NR5A2: variants seen among roughly 807,000 people sequenced by gnomAD.
The protein encoded by NR5A2 is nuclear receptor subfamily 5 group A member 2, also known as CYP7A promoter-binding factor.
Under a neutral mutation model 62.7 loss-of-function variants are expected in NR5A2, and 26 were observed. The ratio of observed to expected loss-of-function variants is 0.41; its 90% CI spans 0.30 to 0.58. The LOEUF (loss-of-function observed/expected upper bound fraction) is 0.58. Among genes scored for constraint, NR5A2 ranks in the 20% least tolerant of loss-of-function variants. The pLI, the probability that NR5A2 is intolerant of heterozygous loss-of-function variation, is 0.22. For missense variants in NR5A2, 541 were observed against 669.1 expected (o/e 0.81, Z 2.11); for synonymous variants, 246 against 241.7 (o/e 1.02, Z -0.16).
At chr1:200,098,511 T>A (rs976615715) in intron 5 of NR5A2, among the ~76,000 whole-genome samples, 2 of 152,222 alleles carry the variant, frequency 1.3e-5, no homozygotes, top group African/African-American at 4.8e-5. Flanking sequence ...TTCTTTACTC[T>A]TATATGAAAG....
At chr1:200,144,233 T>TCACACACACA (rs60365337) in intron 7 of NR5A2, among the ~76,000 whole-genome samples, 18 of 80,118 alleles carry the variant, frequency 2.2e-4, no homozygotes, top group Middle Eastern at 7.1e-3. Context: ...TCTCTCTCTC[T>TCACACACACA]CACACACACA....
intron 5 of NR5A2, among the ~76,000 whole-genome samples, chr1:200,087,628 C>T (rs1474875736): frequency 6.6e-6 from 1 of 152,074 alleles, no homozygotes; most frequent in African/African-American, 2.4e-5. Context: ...ATCTCTTGAC[C>T]TCGTGATCTG....
intron 5 of NR5A2, among the ~76,000 whole-genome samples, chr1:200,099,779 AGACG>A (rs1219086982): frequency 3.9e-5 from 6 of 152,038 alleles, no homozygotes; most frequent in African/African-American, 1.4e-4. Flanking sequence ...TTTTTAGTAG[AGACG>A]GAGTTTCACC....
intron 7 of NR5A2, among the ~76,000 whole-genome samples, chr1:200,156,115 G>A (rs1415804522): frequency 6.6e-6 from 1 of 152,186 alleles, no homozygotes; most frequent in African/African-American, 2.4e-5. Context: ...CCACCATGGG[G>A]GTCATGTGAA....
intron 6 of NR5A2, among the ~76,000 whole-genome samples, chr1:200,113,917 A>T (rs1021850958): frequency 1.3e-5 from 2 of 152,232 alleles, no homozygotes; most frequent in Non-Finnish European, 2.9e-5. Flanking sequence ...ACAGTGGCTC[A>T]CGCCTGTAAT....
At chr1:200,173,068 C>CTG (rs879389753) in intron 7 of NR5A2, among the ~76,000 whole-genome samples, 1 of 152,102 alleles carries the variant, frequency 6.6e-6, no homozygotes, top group Non-Finnish European at 1.5e-5. Flanking sequence ...TGCCTATTGT[C>CTG]TGTGTGTGTG....
At chr1:200,058,862 CA>C (rs1205718829) in intron 5 of NR5A2, among the ~76,000 whole-genome samples, 3 of 149,538 alleles carry the variant, frequency 2.0e-5, no homozygotes, top group African/African-American at 7.4e-5. Flanking sequence ...GTGATCCCAG[CA>C]CTTTAGGAGG....
At chr1:200,040,679 G>C (rs538471737) in intron 2 of NR5A2, among the ~76,000 whole-genome samples, 1 of 152,328 alleles carries the variant, frequency 6.6e-6, no homozygotes, top group East Asian at 1.9e-4. Flanking sequence ...TGCAGGATGT[G>C]CGGGCCGGCG....
At chr1:200,069,077 G>A (rs986285587) in intron 5 of NR5A2, among the ~76,000 whole-genome samples, 1 of 152,094 alleles carries the variant, frequency 6.6e-6, no homozygotes, top group Non-Finnish European at 1.5e-5. Context: ...TGGTTATTCA[G>A]TCTTAAGCAT....
chr1:200,108,623 CAAAGT>C (rs1665803859), intron 5 of NR5A2, among the ~76,000 whole-genome samples: 1 of 152,132 alleles, frequency 6.6e-6, no homozygotes, highest in South Asian at 2.1e-4. Flanking sequence ...GAGCCAATTT[CAAAGT>C]AAAGTATTTT....
chr1:200,068,569 C>T (rs535221833), intron 5 of NR5A2, among the ~76,000 whole-genome samples: 14 of 152,260 alleles, frequency 9.2e-5, no homozygotes, highest in Non-Finnish European at 1.5e-4. Context: ...CCCAGCTTTG[C>T]GGACTCTAAA....
chr1:200,066,588 CTTT>C (rs756874909), intron 5 of NR5A2, among the ~76,000 whole-genome samples: 3 of 113,128 alleles, frequency 2.7e-5, no homozygotes, highest in Non-Finnish European at 3.4e-5. Context: ...AATTAATTAT[CTTT>C]TTTTTTTTTT....
chr1:200,099,204 TTAC>T (rs369961068), intron 5 of NR5A2, among the ~76,000 whole-genome samples: 49 of 152,310 alleles, frequency 3.2e-4, no homozygotes, highest in Non-Finnish European at 6.2e-4. Context: ...GACCTCTCCT[TTAC>T]CTCTGCCCTA....
intron 5 of NR5A2, among the ~76,000 whole-genome samples, chr1:200,071,049 G>A (rs1293345135): frequency 2.0e-5 from 3 of 152,092 alleles, no homozygotes; most frequent in South Asian, 2.1e-4. Flanking sequence ...TTTACAAGTC[G>A]TCCTTTTTAG....
intron 2 of NR5A2, among the ~76,000 whole-genome samples, chr1:200,040,783 T>A (rs1226575049): frequency 6.6e-6 from 1 of 152,246 alleles, no homozygotes; most frequent in East Asian, 1.9e-4. Flanking sequence ...TGGTGCACTC[T>A]GCGGTGCTGA....
chr1:200,033,656 T>C (rs187894586), intron 1 of NR5A2, among the ~76,000 whole-genome samples: 17 of 152,212 alleles, frequency 1.1e-4, no homozygotes, highest in African/African-American at 4.1e-4. Context: ...CAAGAAACTC[T>C]GGAGAAAACA....
intron 7 of NR5A2, among the ~76,000 whole-genome samples, chr1:200,144,229 TCTCTCACACACACACACACACACACA>T (rs1362070737): frequency 7.9e-6 from 1 of 127,012 alleles, no homozygotes; most frequent in Non-Finnish European, 1.6e-5. Flanking sequence ...TCTCTCTCTC[TCTCTCACACACACACACACACACACA>T]CACACACACA....
chr1:200,109,082 G>A (rs766700726), intron 5 of NR5A2, among the ~76,000 whole-genome samples: 24 of 152,162 alleles, frequency 1.6e-4, no homozygotes, highest in Non-Finnish European at 3.4e-4. Context: ...TTTCAAAAAG[G>A]CAGTGACTGC....
At chr1:200,080,069 T>G (rs1181764449) in intron 5 of NR5A2, among the ~76,000 whole-genome samples, 6 of 152,194 alleles carry the variant, frequency 3.9e-5, no homozygotes, top group Admixed American at 3.9e-4. Flanking sequence ...TTTTTCTTTA[T>G]TATTTCCAAA....
Sources: allele counts gnomAD v4.1 joint callset (sites outside exome capture counted in the v4.1 genomes callset), GRCh38; gene constraint gnomAD v4.1.1; transcripts MANE v1.5; gene names NCBI Gene and HGNC (gene_info 2026-07-23, HGNC 2026-07-21).